IKZF1: variants seen among roughly 807,000 people sequenced by gnomAD.
IKZF1 encodes IKAROS family zinc finger 1.
A neutral mutation model predicts 51.7 loss-of-function variants in IKZF1; 10 were observed. That is an observed-to-expected ratio of 0.19 (90% CI 0.12 to 0.33). The LOEUF is 0.33. IKZF1 is among the 10% of genes least tolerant of loss of function. IKZF1 has a pLI of 1.00. For missense variants in IKZF1, 484 were observed against 707.5 expected (o/e 0.68, Z 3.58); for synonymous variants, 280 against 282.3 (o/e 0.99, Z 0.08).
At chr7:50,325,659 C>A (rs1794777309) in intron 2 of IKZF1, among the ~76,000 whole-genome samples, 1 of 151,856 alleles carries the variant, frequency 6.6e-6, no homozygotes, top group Non-Finnish European at 1.5e-5. Flanking sequence ...CCTGTGGTCC[C>A]AGCTACTCGG....
At chr7:50,399,802 G>T in intron 7 of IKZF1, 116 bp from the exon 8 acceptor site, 1 of 1,456,490 alleles carries the variant, frequency 6.9e-7, no homozygotes. Context: ...AGGCGTGCTG[G>T]GCCCCCAGGC....
At chr7:50,368,115 A>G (rs773787303) in intron 3 of IKZF1, 11 of 703,400 alleles carry the variant, frequency 1.6e-5, no homozygotes, top group Non-Finnish European at 2.9e-5. Flanking sequence ...TTCATCTCCT[A>G]TCATGTAAAT....
At position 50,315,199 on chromosome 7, in the gene IKZF1, A is replaced by C. The variant is rs138194211; in HGVS notation, c.-14-3849A>C. Among the ~76,000 whole-genome samples, 931 of 152,336 alleles carry C rather than the reference A, an allele frequency of 6.1e-3. 10 individuals are homozygous for C. The highest frequency in any genetic ancestry group is 0.022 in the African/African-American group (899 of 41,578). On this transcript the variant is annotated intron_variant, in intron 1 of 7. Coordinates refer to ENST00000331340, the MANE Select transcript of IKZF1 (RefSeq NM_006060.6). ...GGTCAGAAAGAGGGAGAGAAAGGAG[A>C]AGGACAGAGAGAGACTGAGAGAGAG...
intron 3 of IKZF1, among the ~76,000 whole-genome samples, chr7:50,362,854 G>A (rs1291641872): frequency 6.6e-6 from 1 of 152,084 alleles, no homozygotes; most frequent in Non-Finnish European, 1.5e-5. Flanking sequence ...TGAAAGCAAG[G>A]TCCCCATGAT....
chr7:50,334,964 T>C (rs936570278), intron 3 of IKZF1, among the ~76,000 whole-genome samples: 15 of 151,304 alleles, frequency 9.9e-5, no homozygotes, highest in Admixed American at 9.2e-4. Context: ...GTGTGGTGTG[T>C]GTGCAAGTAA....
At chr7:50,314,172 A>T (rs530599126) in intron 1 of IKZF1, among the ~76,000 whole-genome samples, 10 of 152,088 alleles carry the variant, frequency 6.6e-5, no homozygotes, top group Non-Finnish European at 4.4e-5. Flanking sequence ...GTGCAGTGGC[A>T]CAATCTCAGC....
chr7:50,317,352 G>C (rs543602555), intron 1 of IKZF1, among the ~76,000 whole-genome samples: 22 of 152,166 alleles, frequency 1.4e-4, no homozygotes, highest in Admixed American at 5.2e-4. Context: ...AGTGTGGCAC[G>C]GCTGTTACAA....
chr7:50,327,980 A>C (rs901337768), intron 3 of IKZF1: 5 of 513,022 alleles, frequency 9.7e-6, no homozygotes, highest in African/African-American at 7.7e-5. Flanking sequence ...ACCCCGCAAA[A>C]TGTCCAAGTT....
At chr7:50,355,752 G>A (rs1483651492) in intron 3 of IKZF1, among the ~76,000 whole-genome samples, 1 of 152,250 alleles carries the variant, frequency 6.6e-6, no homozygotes, top group Non-Finnish European at 1.5e-5. Context: ...GGGCTAGCCA[G>A]TGTTTCTCTT....
At chr7:50,389,622 G>T (rs926801817) in intron 6 of IKZF1, among the ~76,000 whole-genome samples, 1 of 152,222 alleles carries the variant, frequency 6.6e-6, no homozygotes, top group Non-Finnish European at 1.5e-5. Context: ...GGTGCAAAAT[G>T]ATCATAAATA....
chr7:50,334,711 A>G (rs961843872), intron 3 of IKZF1, among the ~76,000 whole-genome samples: 2 of 149,524 alleles, frequency 1.3e-5, no homozygotes, highest in Admixed American at 1.3e-4. Context: ...GTATATGTGT[A>G]TGGGATGTGT....
At chr7:50,319,296 C>T (rs1176379589) in intron 2 of IKZF1, among the ~76,000 whole-genome samples, 195 bp downstream of exon 2, 1 of 151,664 alleles carries the variant, frequency 6.6e-6, no homozygotes, top group Non-Finnish European at 1.5e-5. Context: ...AGAAAGCCTC[C>T]AAGATGAAAT....
At chr7:50,399,810 G>A in intron 7 of IKZF1, 108 bp from the exon 8 acceptor site, 1 of 1,477,496 alleles carries the variant, frequency 6.8e-7, no homozygotes, top group African/African-American at 1.4e-5. Flanking sequence ...TGGGCCCCCA[G>A]GCCGTGTTCC....
At chr7:50,306,552 G>A (rs1459030366) in intron 1 of IKZF1, among the ~76,000 whole-genome samples, 1 of 152,190 alleles carries the variant, frequency 6.6e-6, no homozygotes, top group African/African-American at 2.4e-5. Flanking sequence ...AGGGTCTCCA[G>A]GAGACCACAA....
At chr7:50,316,618 A>G (rs1791618677) in intron 1 of IKZF1, among the ~76,000 whole-genome samples, 1 of 152,248 alleles carries the variant, frequency 6.6e-6, no homozygotes, top group Non-Finnish European at 1.5e-5. Flanking sequence ...TGCAAAAGTA[A>G]GAAGGTTCCC....
chr7:50,393,342 G>A (rs1815732394), intron 7 of IKZF1, among the ~76,000 whole-genome samples: 1 of 152,138 alleles, frequency 6.6e-6, no homozygotes, highest in Non-Finnish European at 1.5e-5. Flanking sequence ...GTGACACATG[G>A]GGAAATTGTG....
intron 3 of IKZF1, among the ~76,000 whole-genome samples, chr7:50,343,808 G>A (rs999171380): frequency 2.0e-5 from 3 of 152,148 alleles, no homozygotes; most frequent in African/African-American, 7.2e-5. Context: ...GCATCTCCCT[G>A]TTTTGATTAC....
At chr7:50,395,034 T>G (rs1816312650) in intron 7 of IKZF1, among the ~76,000 whole-genome samples, 1 of 152,212 alleles carries the variant, frequency 6.6e-6, no homozygotes, top group South Asian at 2.1e-4. Context: ...TCTAGGTATA[T>G]TTTCTTCTTT....
chr7:50,392,133 G>C (rs576532527), intron 7 of IKZF1, among the ~76,000 whole-genome samples: 1 of 152,156 alleles, frequency 6.6e-6, no homozygotes, highest in Non-Finnish European at 1.5e-5. Context: ...TCTTAGGGGC[G>C]GCTGCACCAG....
Sources: allele counts gnomAD v4.1 joint callset (sites outside exome capture counted in the v4.1 genomes callset), GRCh38; gene constraint gnomAD v4.1.1; transcripts MANE v1.5; gene names NCBI Gene and HGNC (gene_info 2026-07-23, HGNC 2026-07-21).